LRRC66: variants seen among roughly 807,000 people sequenced by gnomAD.
LRRC66 encodes the protein leucine rich repeat containing 66.
Under a neutral mutation model 24.6 loss-of-function variants are expected in LRRC66, and 29 were observed. The observed-to-expected ratio is 1.18, with a 90% CI of 0.88 to 1.61. LRRC66 has a LOEUF of 1.61. LRRC66 is among the 40% of genes most tolerant of loss of function. The probability of loss-of-function intolerance (pLI) is 0.00; values close to 1 mark genes in which losing one functional copy is unlikely to be tolerated. For missense variants in LRRC66, 1,124 were observed against 1,058.0 expected (o/e 1.06, Z -0.87); for synonymous variants, 411 against 397.6 (o/e 1.03, Z -0.40).
Position 51,995,383 on chromosome 4 carries a change from G to A in LRRC66, c.1639C>T (p.Pro547Ser), listed in dbSNP as rs1736274277. 6.2e-7 allele frequency: 1 copy of A among 1,614,174 alleles called. No homozygotes were observed. Among genetic ancestry groups the A allele is most frequent in the Non-Finnish European group, 8.5e-7 (1 of 1,180,024 alleles). The change falls in exon 5 of 5, where the codon CCT (proline) becomes TCT (serine). Residue 547 changes from proline (P) to serine (S), a missense_variant. By Grantham distance (74) the Pro-to-Ser change is moderately conservative. Transcript: ENST00000682860. Reference protein sequence around the residue: ...WTYETVAQEEPLSAHSVGVSS... With the variant: ...WTYETVAQEESLSAHSVGVSS... ...ACGCCCACTGAATGTGCACTGAGAG[G>A]CTCTTCCTGGGCCACAGTTTCATAA... is the stretch of plus-strand genomic sequence containing the variant.
At position 52,017,405 on chromosome 4, in the gene LRRC66, T is replaced by C. The variant is rs375602959; in HGVS notation, c.209A>G (p.Asn70Ser). The C allele has an allele frequency of 1.1e-4, 172 of 1,614,066 alleles. No homozygotes were observed. Among genetic ancestry groups the C allele is most frequent in the African/African-American group, 3.2e-4 (24 of 74,934 alleles). Residue 70 changes from asparagine (N) to serine (S), a missense_variant, in exon 2 of 5, where the codon AAT becomes AGT. By Grantham distance (46) the Asn-to-Ser change is conservative. Transcript: ENST00000682860. ...QTAATVDVSF[N>S]FFRVLLQSHT... ...AGACTGTAAGAGAACTCTAAAGAAA[T>C]TGAAACTTACATCCACAGTGGCTGC...
At chr4:52,003,458 G>T in intron 2 of LRRC66, 66 bp from the exon 3 acceptor site, 1 of 1,415,800 alleles carries the variant, frequency 7.1e-7, no homozygotes, top group Non-Finnish European at 9.7e-7. Flanking sequence ...TGTTTGTAAT[G>T]GTGAAAAATT....
In LRRC66 at chr4:52,017,264, C is replaced by T. The variant is rs1736835858; in HGVS notation, c.350G>A (p.Ser117Asn). Residue 117 changes from serine to asparagine, a missense_variant, in exon 2 of 5, where the codon AGC (serine) becomes AAC (asparagine). Transcript: ENST00000682860. ...TGAGAGGGAGTGGATGGCATTGTTG[C>T]TGAGGTTTAACACTTCCAAAGCATG... ...YLHALEVLNL[S>N]NNAIHSLSLD... 3 of 1,614,032 alleles carry T rather than the reference C, an allele frequency of 1.9e-6. No homozygotes were observed. The East Asian group carries it at 6.7e-5, about 36-fold the overall frequency.
chr4:52,018,072 C>A (rs992529724), intron 1 of LRRC66: 1 of 985,252 alleles, frequency 1.0e-6, no homozygotes, highest in South Asian at 4.7e-5. Flanking sequence ...TACACTAAAC[C>A]GTGACCCTCC....
rs763943801 is a variant in LRRC66 at position 51,994,680 on chromosome 4, G to T, written c.2342C>A (p.Pro781Gln). 1 of 1,614,192 alleles carries T rather than the reference G, an allele frequency of 6.2e-7. No homozygotes were observed. The highest frequency in any genetic ancestry group is 8.5e-7 in the Non-Finnish European group (1 of 1,180,038). ...DPFEKPLISA[P>Q]DSGMYKTHLE... Reference sequence around the variant, plus strand: ...ATGAGTCTTGTACATGCCAGAGTCTGGAGCAGAAATGAGAGGTTTTTCAAA... The same window carrying T: ...ATGAGTCTTGTACATGCCAGAGTCTTGAGCAGAAATGAGAGGTTTTTCAAA... The change falls in exon 5 of 5, where the codon CCA becomes CAA. Residue 781 changes from proline (P) to glutamine (Q), a missense_variant. Coordinates refer to ENST00000682860, the MANE Select transcript of LRRC66 (RefSeq NM_001024611.3).
chr4:52,002,798 T>C (rs566314876), intron 3 of LRRC66, among the ~76,000 whole-genome samples: 1 of 152,230 alleles, frequency 6.6e-6, no homozygotes, highest in Non-Finnish European at 1.5e-5. Flanking sequence ...GTTGTTGACA[T>C]CTTAGCATCA....
chr4:51,994,677 T>A lies in LRRC66; in HGVS notation c.2345A>T (p.Asp782Val). Reference protein sequence around the residue: ...PFEKPLISAPDSGMYKTHLEN... With the variant: ...PFEKPLISAPVSGMYKTHLEN... ...CAGATGAGTCTTGTACATGCCAGAG[T>A]CTGGAGCAGAAATGAGAGGTTTTTC... Residue 782 changes from aspartate (D) to valine (V), a missense_variant, in exon 5 of 5, where the codon GAC becomes GTC. Coordinates refer to ENST00000682860, the MANE Select transcript of LRRC66 (RefSeq NM_001024611.3). 1 of 1,614,014 alleles carries A rather than the reference T, an allele frequency of 6.2e-7. No individual in the cohort carries two copies. The highest frequency in any genetic ancestry group is 8.5e-7 in the Non-Finnish European group (1 of 1,180,000).
chr4:52,006,051 A>G (rs1736575650), intron 2 of LRRC66, among the ~76,000 whole-genome samples: 1 of 152,234 alleles, frequency 6.6e-6, no homozygotes, highest in African/African-American at 2.4e-5. Flanking sequence ...AAGGATGTGA[A>G]CTCATGATTC....
Position 51,995,878 on chromosome 4 carries a change from A to C in LRRC66, c.1144T>G (p.Ser382Ala), listed in dbSNP as rs368820232. ...GCGACAAGGAATGTGATGAACACTG[A>C]CAGGCACACCGCCAGAGCCAGGTCC... ...PQDLALAVCLSVFITFLVAFS... is the reference protein window; with the variant it reads ...PQDLALAVCLAVFITFLVAFS... The change falls in exon 5 of 5, where the codon TCA (serine) becomes GCA (alanine). Residue 382 changes from serine to alanine, a missense_variant. Transcript: ENST00000682860. The C allele has an allele frequency of 2.5e-5, 40 of 1,614,052 alleles. No homozygotes were observed. The African/African-American group carries it at 5.1e-4, about 20-fold the overall frequency.
At chr4:52,007,814 C>T (rs1392423798) in intron 2 of LRRC66, among the ~76,000 whole-genome samples, 3 of 152,142 alleles carry the variant, frequency 2.0e-5, no homozygotes. Flanking sequence ...TTCTTGGTTT[C>T]TGCTAGTGTC....
intron 2 of LRRC66, among the ~76,000 whole-genome samples, chr4:52,009,496 T>C (rs1050249188): frequency 5.9e-5 from 9 of 152,106 alleles, no homozygotes; most frequent in Admixed American, 5.2e-4. Flanking sequence ...AAAAGATTTC[T>C]AGCCAGGCTG....
intron 4 of LRRC66, 73 bp downstream of exon 4, chr4:51,997,675 C>T: frequency 1.4e-6 from 2 of 1,400,638 alleles, no homozygotes; most frequent in Admixed American, 3.7e-5. Flanking sequence ...GTCATTATTT[C>T]AAAAAGACTA....
Position 51,995,349 on chromosome 4 carries a change from AC to A in LRRC66, c.1672del (p.Val558Ter), listed in dbSNP as rs1560555686. The A allele has an allele frequency of 2.5e-6, 4 of 1,614,170 alleles. No individual in the cohort carries two copies. Among genetic ancestry groups the A allele is most frequent in the Admixed American group, 1.7e-5 (1 of 60,024 alleles). On this transcript the variant is annotated frameshift_variant, in exon 5 of 5. Transcript: ENST00000682860. LOFTEE classifies it low-confidence loss of function (END_TRUNC). ...AGAGACAGCGTGAGACGTGCCAGCTACAGAAGAGACGCCCACTGAATGTGCA... is the reference window on the plus strand; with the variant it reads ...AGAGACAGCGTGAGACGTGCCAGCTAAGAAGAGACGCCCACTGAATGTGCA... ...LSAHSVGVSS[V>X]AGTSHAVSGS...
rs1424125285 is a variant in LRRC66, at chr4:51,995,957, A to G, written c.1065T>C (p.Ser355=). The G allele has an allele frequency of 1.2e-6, 2 of 1,613,332 alleles. No homozygotes were observed. Among genetic ancestry groups the G allele is most frequent in the South Asian group, 1.1e-5 (1 of 91,004 alleles). The change falls in exon 5 of 5, where the codon AGT becomes AGC. Residue 355 remains serine (S), a synonymous_variant. Coordinates refer to ENST00000682860, the MANE Select transcript of LRRC66 (RefSeq NM_001024611.3). Reference sequence around the variant, plus strand: ...CCTGCACATCGCGGGTGCTTCTAACACTCCTTGGCAGCCGTCTCTGCTTCT... The same window carrying G: ...CCTGCACATCGCGGGTGCTTCTAACGCTCCTTGGCAGCCGTCTCTGCTTCT... ...LRKKQRRLPR[S]VRSTRDVQAA...
chr4:51,996,087 C>G lies in LRRC66; in HGVS notation c.935G>C (p.Arg312Pro), dbSNP rs527846401. Reference protein sequence around the residue: ...ETRLPPIHLHRMKSLIRSKAE... With the variant: ...ETRLPPIHLHPMKSLIRSKAE... ...TTTGCTCCTTATGAGGCTTTTCATG[C>G]GATGCAGATGAATGGGAGGAAGGCG... Residue 312 changes from arginine to proline, a missense_variant, in exon 5 of 5, where the codon CGC becomes CCC. Coordinates refer to ENST00000682860, the MANE Select transcript of LRRC66 (RefSeq NM_001024611.3). 4.3e-6 allele frequency: 7 copies of G among 1,613,912 alleles called. No homozygotes were observed. The highest frequency in any genetic ancestry group is 5.9e-6 in the Non-Finnish European group (7 of 1,180,022).
intron 2 of LRRC66, among the ~76,000 whole-genome samples, chr4:52,015,125 A>G (rs1388538090): frequency 6.6e-6 from 1 of 152,094 alleles, no homozygotes; most frequent in Non-Finnish European, 1.5e-5. Context: ...GTGGGGTAAT[A>G]TTTTGACATG....
intron 1 of LRRC66, 107 bp from the exon 2 acceptor site, chr4:52,017,725 C>T: frequency 7.3e-7 from 1 of 1,377,570 alleles, no homozygotes; most frequent in East Asian, 2.7e-5. Flanking sequence ...GTTATCTTGT[C>T]TTGGTTGCCA....
intron 2 of LRRC66, among the ~76,000 whole-genome samples, chr4:52,008,837 A>C (rs149061835): frequency 0.012 from 1,752 of 152,294 alleles, 36 homozygotes; most frequent in African/African-American, 0.036. Flanking sequence ...AAAGAGCTCC[A>C]GAAATTTATG....
At chr4:52,013,363 T>C (rs1283117809) in intron 2 of LRRC66, among the ~76,000 whole-genome samples, 1 of 152,210 alleles carries the variant, frequency 6.6e-6, no homozygotes, top group African/African-American at 2.4e-5. Context: ...ACTTAGTTGG[T>C]TAATGTGAGG....
Sources: gnomAD v4.1 joint callset for allele counts (sites outside exome capture counted in the v4.1 genomes callset) on GRCh38, gnomAD v4.1.1 for gene constraint, MANE v1.5 for transcripts, NCBI Gene and HGNC (gene_info 2026-07-23, HGNC 2026-07-21) for gene names.